IAH1: variants seen among roughly 807,000 people sequenced by gnomAD.
IAH1 encodes isoamyl acetate hydrolyzing esterase 1 (putative).
Under a neutral mutation model 26.7 loss-of-function variants are expected in IAH1, and 24 were observed. The observed-to-expected ratio is 0.90, with a 90% CI of 0.65 to 1.26. IAH1 has a LOEUF of 1.26. Among genes scored for constraint, IAH1 ranks in the 50% most tolerant of loss-of-function variants. The pLI, the probability that IAH1 is intolerant of heterozygous loss-of-function variation, is 0.00. For synonymous variants in IAH1, 140 were observed against 118.5 expected (o/e 1.18, Z -1.18); for missense variants, 300 against 299.9 (o/e 1.00, Z 0.00).
rs1029063197 is a variant in IAH1 at position 9,489,635 on chromosome 2, T to G, written c.*1306T>G. On this transcript the variant is annotated 3_prime_UTR_variant, in exon 6 of 6. Coordinates refer to ENST00000497473, the MANE Select transcript of IAH1 (RefSeq NM_001039613.3). ...AAATTTAGATATATATTTTCCCTGCTACATAAAAACTCTGGGTAATAACTA... is the reference window on the plus strand; with the variant it reads ...AAATTTAGATATATATTTTCCCTGCGACATAAAAACTCTGGGTAATAACTA... The G allele has an allele frequency of 6.8e-6, 1 of 146,248 alleles. No homozygotes were observed. Among genetic ancestry groups the G allele is most frequent in the East Asian group, 2.1e-4 (1 of 4,828 alleles). 9.1% of individuals were successfully genotyped at this position (146,248 alleles called of 1,614,324 possible).
downstream of IAH1, among the ~76,000 whole-genome samples, chr2:9,499,254 A>C (rs773242064): frequency 1.3e-5 from 2 of 152,118 alleles, no homozygotes; most frequent in Non-Finnish European, 2.9e-5. Context: ...GATAAGAACA[A>C]ACGTTTTCAA....
chr2:9,502,879 C>CAAAA, the IAH1 span, among the ~76,000 whole-genome samples: 139 of 43,462 alleles, frequency 3.2e-3, 2 homozygotes, highest in Non-Finnish European at 3.9e-3. Context: ...AATTCTGTCT[C>CAAAA]AAAAAAAAAA....
chr2:9,498,807 A>G (rs974885029), downstream of IAH1, among the ~76,000 whole-genome samples: 13 of 152,370 alleles, frequency 8.5e-5, no homozygotes, highest in African/African-American at 3.1e-4. Context: ...CTGCCCTGAT[A>G]CATTAAAAAA....
At chr2:9,496,719 T>C (rs1456940257), downstream of IAH1, among the ~76,000 whole-genome samples, 5 of 152,180 alleles carry the variant, frequency 3.3e-5, no homozygotes, top group African/African-American at 4.8e-5. Flanking sequence ...GGTGGAGTTG[T>C]TGCAGGAGTA....
chr2:9,502,088 C>T, the IAH1 span: 2 of 1,214,942 alleles, frequency 1.6e-6, no homozygotes, highest in Non-Finnish European at 2.4e-6. Flanking sequence ...AGGTGTCTCT[C>T]ATCTGAACAA....
chr2:9,510,219 G>A, the IAH1 span: 1 of 1,138,482 alleles, frequency 8.8e-7, no homozygotes, highest in Non-Finnish European at 1.3e-6. Flanking sequence ...CTTAAATAGA[G>A]CCTTATAATC....
At chr2:9,474,472 G>A (rs1682347327), upstream of IAH1, 23 of 633,246 alleles carry the variant, frequency 3.6e-5, 1 homozygote, top group South Asian at 6.7e-4. This position sits in a 1 kb window ranked among gnomAD's most constrained non-coding sequence, Gnocchi z 4.3. Context: ...TGACTGCGTG[G>A]GTGCCCACGA....
downstream of IAH1, chr2:9,497,399 A>G (rs1558496958): frequency 2.0e-6 from 2 of 992,020 alleles, no homozygotes; most frequent in Non-Finnish European, 2.9e-6. Context: ...CCTGCATCTC[A>G]CCAGCAATCA....
chr2:9,490,960 A>T, downstream of IAH1: 1 of 704,640 alleles, frequency 1.4e-6, no homozygotes, highest in South Asian at 1.9e-5. Flanking sequence ...CAGAAGGGTA[A>T]ACATTCCAAC....
intron 6 of IAH1, among the ~76,000 whole-genome samples, chr2:9,496,051 G>A (rs1019220548): frequency 1.3e-5 from 2 of 152,046 alleles, no homozygotes; most frequent in African/African-American, 4.8e-5. Flanking sequence ...TCACTCCACT[G>A]TATGGATGGT....
At chr2:9,499,609 A>G (rs1662880338), downstream of IAH1, among the ~76,000 whole-genome samples, 1 of 152,132 alleles carries the variant, frequency 6.6e-6, no homozygotes, top group Non-Finnish European at 1.5e-5. Context: ...TCACCGTGTT[A>G]GCCAGGATGG....
chr2:9,494,123 G>A (rs1050923206), downstream of IAH1, among the ~76,000 whole-genome samples: 1 of 152,136 alleles, frequency 6.6e-6, no homozygotes, highest in African/African-American at 2.4e-5. Context: ...CACATACACA[G>A]TGGACAGTGA....
chr2:9,487,788 T>TTGTGTG lies in IAH1; in HGVS notation c.565-318_565-313dup, dbSNP rs70948823. On this transcript the variant is annotated intron_variant, in intron 5 of 5. Coordinates refer to ENST00000497473, the MANE Select transcript of IAH1 (RefSeq NM_001039613.3). The stretch of plus-strand genomic sequence containing the variant: ...GTTATACCCTCCCTCCCCGGCCTTT[T>TTGTGTG]TGTGTGTGTGTGTGTGTGTGTGTGT... Among the ~76,000 whole-genome samples, 842 of 133,982 alleles carry TTGTGTG rather than the reference T, an allele frequency of 6.3e-3. 9 individuals are homozygous for TTGTGTG. Among genetic ancestry groups the TTGTGTG allele is most frequent in the African/African-American group, 0.014 (470 of 34,510 alleles). The allele number at this position is 133,982 out of a possible 152,430, so 87.9% of individuals were successfully genotyped here.
At chr2:9,490,570 G>GTCCTCACAGCTCCACCCT (rs1317306352), downstream of IAH1, 2 of 1,514,686 alleles carry the variant, frequency 1.3e-6, no homozygotes. Context: ...TGAATCGGAG[G>GTCCTCACAGCTCCACCCT]TCCTCACAGC....
At chr2:9,511,985 A>C in the IAH1 span, among the ~76,000 whole-genome samples, 1 of 142,900 alleles carries the variant, frequency 7.0e-6, no homozygotes, top group Admixed American at 7.0e-5. Context: ...TAAATAAATA[A>C]AATAAAATAA....
the IAH1 span, chr2:9,502,064 T>G: frequency 2.6e-5 from 25 of 976,802 alleles, no homozygotes; most frequent in Non-Finnish European, 3.9e-5. Context: ...ACCCGGCATA[T>G]GAGATTAAAA....
chr2:9,475,022 G>C, intron 1 of IAH1: 1 of 1,106,106 alleles, frequency 9.0e-7, no homozygotes, highest in South Asian at 2.1e-5. Flanking sequence ...ACCGCGCGCT[G>C]TGTCCCAGGA....
At position 9,474,683 on chromosome 2, in the gene IAH1, C is replaced by A. The variant is rs775337108; in HGVS notation, c.81+36C>A. On this transcript the variant is annotated intron_variant, in intron 1 of 5. Transcript: ENST00000497473. This position sits in a 1 kb window ranked among gnomAD's most constrained non-coding sequence, Gnocchi z 4.3. ...CCCGACGCTCGGCCTCCCGCCCCGG[C>A]CTCCCTGCGGGGTCGCTGCCGAGCA... The A allele has an allele frequency of 4.1e-6, 6 of 1,463,924 alleles. No homozygotes were observed. Among genetic ancestry groups the A allele is most frequent in the African/African-American group, 1.5e-5 (1 of 68,652 alleles). 90.7% of individuals were successfully genotyped at this position (1,463,924 alleles called of 1,614,324 possible).
downstream of IAH1, chr2:9,490,512 C>T (rs369159078): frequency 5.6e-6 from 9 of 1,610,012 alleles, no homozygotes; most frequent in African/African-American, 4.0e-5. Context: ...CTCAGCATTT[C>T]GACGTTCTGC....
Sources: gnomAD v4.1 joint callset for allele counts (sites outside exome capture counted in the v4.1 genomes callset) on GRCh38, gnomAD v4.1.1 for gene constraint, Gnocchi (gnomAD v3.1) non-coding constraint, MANE v1.5 for transcripts, NCBI Gene and HGNC (gene_info 2026-07-23, HGNC 2026-07-21) for gene names.